Variants in CD300A observed in about 807,000 individuals in gnomAD.
The protein encoded by CD300A is CD300a molecule.
A neutral mutation model predicts 33.6 loss-of-function variants in CD300A; 22 were observed. The observed-to-expected ratio is 0.66, with a 90% CI of 0.47 to 0.94. CD300A has a LOEUF of 0.94. Among genes scored for constraint, CD300A ranks in the 40% least tolerant of loss-of-function variants. CD300A has a pLI of 0.00. For missense variants in CD300A, 326 were observed against 360.5 expected (o/e 0.90, Z 0.77); for synonymous variants, 136 against 148.1 (o/e 0.92, Z 0.59).
At position 74,466,695 on chromosome 17, in the gene CD300A, G is replaced by A. The variant is rs1905728133; in HGVS notation, c.-9G>A. 2 of 1,594,774 alleles carry A rather than the reference G, an allele frequency of 1.3e-6. No homozygotes were observed. Among genetic ancestry groups the A allele is most frequent in the South Asian group, 2.3e-5 (2 of 87,890 alleles). ...TGCTGCAAGTGCCGCCTGTGCTGGGGAAGGGACCATGTGGCTGCCTTGGGC... is the reference window on the plus strand; with the variant it reads ...TGCTGCAAGTGCCGCCTGTGCTGGGAAAGGGACCATGTGGCTGCCTTGGGC... On this transcript the variant is annotated 5_prime_UTR_variant, in exon 1 of 7. Transcript: ENST00000360141.
intron 1 of CD300A, among the ~76,000 whole-genome samples, chr17:74,467,952 G>A (rs1013111153): frequency 4.6e-5 from 7 of 152,174 alleles, no homozygotes; most frequent in Admixed American, 4.6e-4. Flanking sequence ...AAGGACCAGA[G>A]CTTCTCATTA....
intron 5 of CD300A, 146 bp from the exon 6 acceptor site, chr17:74,481,580 A>C (rs1242186392): frequency 1.5e-6 from 1 of 681,018 alleles, no homozygotes; most frequent in East Asian, 2.7e-5. Context: ...ACATTAAACT[A>C]CTGGACGGAG....
At chr17:74,472,675 T>C (rs989762937) in intron 1 of CD300A, among the ~76,000 whole-genome samples, 2 of 151,346 alleles carry the variant, frequency 1.3e-5, no homozygotes, top group Middle Eastern at 3.2e-3. Flanking sequence ...AGTGGTGCCA[T>C]CTCAGCTCAA....
chr17:74,475,312 G>A (rs1010425050), intron 3 of CD300A, among the ~76,000 whole-genome samples: 2 of 152,110 alleles, frequency 1.3e-5, no homozygotes, highest in Non-Finnish European at 2.9e-5. Context: ...CCCACAACAC[G>A]TGGGAATTAT....
In CD300A at chr17:74,484,465, G is replaced by A. The variant is rs1195163602; in HGVS notation, c.*339G>A. On this transcript the variant is annotated 3_prime_UTR_variant, in exon 7 of 7. Coordinates refer to ENST00000360141, the MANE Select transcript of CD300A (RefSeq NM_007261.4). ...GGAAAAGATGTGGCTCACGTAGGTG[G>A]CACCTGCCAATAGCTTTGTCAATCA... The A allele has an allele frequency of 1.6e-5, 3 of 190,900 alleles. No homozygotes were observed. The highest frequency in any genetic ancestry group is 3.3e-5 in the Non-Finnish European group (3 of 91,114). 11.8% of individuals were successfully genotyped at this position (190,900 alleles called of 1,614,324 possible).
intron 5 of CD300A, 83 bp downstream of exon 5, chr17:74,481,409 C>A: frequency 1.5e-6 from 2 of 1,302,840 alleles, no homozygotes; most frequent in South Asian, 1.2e-5. Flanking sequence ...GTCCCATCGG[C>A]CAACGGAGGT....
chr17:74,469,088 C>A (rs1905918721), intron 1 of CD300A, among the ~76,000 whole-genome samples: 1 of 152,112 alleles, frequency 6.6e-6, no homozygotes, highest in South Asian at 2.1e-4. Context: ...GTGTTCTCTG[C>A]AAATGTTTAC....
rs1300629659 is a variant in CD300A at position 74,473,692 on chromosome 17, G to T, written c.197G>T (p.Gly66Val). The T allele has an allele frequency of 6.2e-7, 1 of 1,614,116 alleles. No individual in the cohort carries two copies. Among genetic ancestry groups the T allele is most frequent in the Non-Finnish European group, 8.5e-7 (1 of 1,180,040 alleles). Residue 66 changes from glycine to valine, a missense_variant, in exon 2 of 7, where the codon GGG becomes GTG. By Grantham distance (109) the Gly-to-Val change is moderately radical (BLOSUM62 -3). Transcript: ENST00000360141. ...FLCDKIVETK[G>V]SAGKRNGRVS... ...TGTGACAAGATTGTGGAGACCAAAGGGTCAGCAGGAAAAAGGAACGGCCGA... is the reference window on the plus strand; with the variant it reads ...TGTGACAAGATTGTGGAGACCAAAGTGTCAGCAGGAAAAAGGAACGGCCGA...
intron 4 of CD300A, among the ~76,000 whole-genome samples, chr17:74,479,011 C>G (rs746016855): frequency 3.3e-5 from 5 of 152,076 alleles, no homozygotes; most frequent in Non-Finnish European, 7.4e-5. Context: ...GCCCTTTCAC[C>G]CAGAAAGTCT....
At chr17:74,476,810 T>G (rs528865610) in intron 3 of CD300A, among the ~76,000 whole-genome samples, 9 of 152,194 alleles carry the variant, frequency 5.9e-5, no homozygotes, top group Non-Finnish European at 1.3e-4. Context: ...GACTTCTTTA[T>G]GTACTGACGT....
At chr17:74,474,829 A>C in intron 3 of CD300A, 144 bp downstream of exon 3, 6 of 579,364 alleles carry the variant, frequency 1.0e-5, no homozygotes, top group Non-Finnish European at 1.2e-5. Context: ...TAGTCTGAAC[A>C]CCCCGGCTTG....
In CD300A at chr17:74,480,553, G is replaced by C; in HGVS notation, c.629-736G>C. On this transcript the variant is annotated intron_variant, in intron 4 of 6. Transcript: ENST00000360141. The surrounding 1 kb of genome is among the most constrained non-coding windows in gnomAD (Gnocchi z 4.2). ...GGCAGCAGGCAGGTGGGCTGTCTGG[G>C]AGGGCAGACCTCAGGCACGGGGATG... 6.6e-6 allele frequency among the ~76,000 whole-genome samples: 1 copy of C among 152,200 alleles called. No homozygotes were observed. The highest frequency in any genetic ancestry group is 1.9e-4 in the East Asian group (1 of 5,196).
At chr17:74,467,701 G>A (rs1319808999) in intron 1 of CD300A, among the ~76,000 whole-genome samples, 2 of 152,172 alleles carry the variant, frequency 1.3e-5, no homozygotes, top group African/African-American at 4.8e-5. Flanking sequence ...ACTTGTCTGT[G>A]GGAAGGTTAT....
At chr17:74,469,437 G>A (rs1567977307) in intron 1 of CD300A, among the ~76,000 whole-genome samples, 1 of 151,928 alleles carries the variant, frequency 6.6e-6, no homozygotes, top group African/African-American at 2.4e-5. Context: ...TGTCGCCCAG[G>A]TTTGCAGACT....
At chr17:74,472,268 C>T (rs1241584650) in intron 1 of CD300A, among the ~76,000 whole-genome samples, 2 of 151,810 alleles carry the variant, frequency 1.3e-5, no homozygotes, top group African/African-American at 4.8e-5. Context: ...GAGTTCTAAC[C>T]CAAGGAAAGA....
chr17:74,483,943 G>A (rs1436257612), intron 6 of CD300A, 58 bp from the exon 7 acceptor site: 4 of 1,595,458 alleles, frequency 2.5e-6, no homozygotes, highest in African/African-American at 2.7e-5. Context: ...TCCTATGTTG[G>A]GGGTCCTTTC....
intron 6 of CD300A, among the ~76,000 whole-genome samples, chr17:74,483,555 C>G (rs893540162): frequency 6.6e-6 from 1 of 152,152 alleles, no homozygotes; most frequent in Non-Finnish European, 1.5e-5. Flanking sequence ...CTGGGTTTCA[C>G]TATGTTACCC....
intron 1 of CD300A, among the ~76,000 whole-genome samples, chr17:74,472,767 G>A (rs1300822196): frequency 2.0e-5 from 3 of 151,922 alleles, no homozygotes; most frequent in South Asian, 2.1e-4. Context: ...ATGCCACCAC[G>A]CCCAGCTAAT....
In CD300A at chr17:74,480,587, G is replaced by A. The variant is rs1039840629; in HGVS notation, c.629-702G>A. ...CCTCAGGCACGGGGATGGGAGCAGAGGCCCCAGCAACTTCCCACAGTCTGA... is the reference window on the plus strand; with the variant it reads ...CCTCAGGCACGGGGATGGGAGCAGAAGCCCCAGCAACTTCCCACAGTCTGA... On this transcript the variant is annotated intron_variant, in intron 4 of 6. Coordinates refer to ENST00000360141, the MANE Select transcript of CD300A (RefSeq NM_007261.4). The surrounding 1 kb of genome is among the most constrained non-coding windows in gnomAD (Gnocchi z 4.2). 1.3e-4 allele frequency among the ~76,000 whole-genome samples: 20 copies of A among 152,288 alleles called. No homozygotes were observed. The highest frequency in any genetic ancestry group is 4.8e-4 in the African/African-American group (20 of 41,554).
Sources: allele counts gnomAD v4.1 joint callset (sites outside exome capture counted in the v4.1 genomes callset), GRCh38; gene constraint gnomAD v4.1.1; non-coding constraint Gnocchi (gnomAD v3.1); transcripts MANE v1.5; gene names NCBI Gene and HGNC (gene_info 2026-07-23, HGNC 2026-07-21).